The following MALRD1 variants were observed in gnomAD, a reference collection of about 807,000 sequenced individuals.
The protein encoded by MALRD1 is MAM and LDL-receptor class A domain-containing protein 1.
MALRD1 carries 247 observed loss-of-function variants against 242.1 expected under a neutral mutation model. The ratio of observed to expected loss-of-function variants is 1.02; its 90% CI spans 0.92 to 1.13. The LOEUF (loss-of-function observed/expected upper bound fraction) is 1.13. Among genes scored for constraint, MALRD1 ranks in the 50% most tolerant of loss-of-function variants. The probability of loss-of-function intolerance (pLI) is 0.00; values close to 1 mark genes in which losing one functional copy is unlikely to be tolerated. For synonymous variants in MALRD1, 995 were observed against 866.6 expected (o/e 1.15, Z -2.60); for missense variants, 2,989 against 2,533.1 (o/e 1.18, Z -3.86).
chr10:19,713,043 AAG>A (rs1491135872), intron 38 of MALRD1, among the ~76,000 whole-genome samples: 2 of 93,800 alleles, frequency 2.1e-5, no homozygotes, highest in African/African-American at 1.0e-4. Flanking sequence ...ACCAGAAATG[AAG>A]GGGGGGGTTC....
intron 36 of MALRD1, among the ~76,000 whole-genome samples, chr10:19,648,164 A>C (rs1190605611): frequency 6.6e-6 from 1 of 152,194 alleles, no homozygotes; most frequent in Non-Finnish European, 1.5e-5. Context: ...GCTGTGGGGC[A>C]AGAAATGAAA....
At chr10:19,091,843 A>G (rs1179476774) in intron 4 of MALRD1, among the ~76,000 whole-genome samples, 16 of 90,116 alleles carry the variant, frequency 1.8e-4, no homozygotes, top group Admixed American at 7.0e-4. Context: ...TCATTTCATT[A>G]TGTACCCAGT....
At chr10:19,390,209 C>T (rs1846279979) in intron 28 of MALRD1, among the ~76,000 whole-genome samples, 1 of 152,192 alleles carries the variant, frequency 6.6e-6, no homozygotes, top group South Asian at 2.1e-4. Flanking sequence ...CCTTCCCTTT[C>T]CTTTCCAATA....
At chr10:19,087,806 T>A in intron 2 of MALRD1, 34 bp from the exon 3 acceptor site, 3 of 1,015,048 alleles carry the variant, frequency 3.0e-6, no homozygotes, top group Non-Finnish European at 2.4e-6. Flanking sequence ...TTCTTTCTGG[T>A]TTTTTTTTGT....
chr10:19,138,194 T>C (rs1481297952), intron 10 of MALRD1, among the ~76,000 whole-genome samples: 1 of 152,138 alleles, frequency 6.6e-6, no homozygotes, highest in Non-Finnish European at 1.5e-5. Flanking sequence ...CTAACCAGTG[T>C]GAGCTCAACG....
intron 29 of MALRD1, among the ~76,000 whole-genome samples, chr10:19,464,289 C>A (rs571082379): frequency 2.4e-4 from 37 of 152,102 alleles, no homozygotes; most frequent in Non-Finnish European, 5.0e-4. Context: ...TTGCCTAAGC[C>A]AATGGCTAGA....
chr10:19,496,008 C>G (rs944269900), intron 30 of MALRD1, among the ~76,000 whole-genome samples: 1 of 152,190 alleles, frequency 6.6e-6, no homozygotes, highest in Admixed American at 6.5e-5. Context: ...TTCAATTCAA[C>G]AAGAAGACCT....
intron 36 of MALRD1, among the ~76,000 whole-genome samples, chr10:19,677,559 T>C (rs1157025042): frequency 6.6e-6 from 1 of 152,250 alleles, no homozygotes; most frequent in African/African-American, 2.4e-5. Flanking sequence ...TTGTACATTC[T>C]GGATGTTAGA....
At chr10:19,430,132 T>TTTTTTTTG (rs60561217) in intron 28 of MALRD1, among the ~76,000 whole-genome samples, 1 of 144,404 alleles carries the variant, frequency 6.9e-6, no homozygotes, top group African/African-American at 2.6e-5. Flanking sequence ...TTTTTTTTTT[T>TTTTTTTTG]GAGATGGAGG....
At chr10:19,589,093 G>T (rs1004929312) in intron 33 of MALRD1, among the ~76,000 whole-genome samples, 6 of 152,034 alleles carry the variant, frequency 3.9e-5, no homozygotes, top group African/African-American at 7.3e-5. Context: ...GGGATTTGGA[G>T]AAATTAAAAA....
intron 2 of MALRD1, among the ~76,000 whole-genome samples, chr10:19,072,290 A>G (rs1476642093): frequency 2.0e-5 from 3 of 152,118 alleles, no homozygotes; most frequent in African/African-American, 7.2e-5. Context: ...CATATGGTCC[A>G]TGTCCCAAAA....
chr10:19,217,932 C>A (rs1837393881), intron 18 of MALRD1, among the ~76,000 whole-genome samples: 1 of 152,108 alleles, frequency 6.6e-6, no homozygotes, highest in Non-Finnish European at 1.5e-5. Flanking sequence ...TATCCAGAAG[C>A]TGCATGCTAA....
chr10:19,520,765 G>C (rs1833843221), intron 31 of MALRD1, among the ~76,000 whole-genome samples: 1 of 151,998 alleles, frequency 6.6e-6, no homozygotes, highest in Non-Finnish European at 1.5e-5. Flanking sequence ...AACAAACCCT[G>C]ATTATCTACA....
At chr10:19,586,877 G>C (rs1374273396) in intron 33 of MALRD1, among the ~76,000 whole-genome samples, 1 of 152,226 alleles carries the variant, frequency 6.6e-6, no homozygotes. Context: ...CAATCAGCGA[G>C]ACTCCGTGGG....
intron 29 of MALRD1, chr10:19,488,741 G>A (rs1425330005): frequency 3.5e-5 from 7 of 199,532 alleles, no homozygotes; most frequent in Admixed American, 2.1e-4. Context: ...GATTTTTAAT[G>A]TCTTTATTAG....
At chr10:19,673,197 A>G (rs778734202) in intron 36 of MALRD1, among the ~76,000 whole-genome samples, 12 of 152,088 alleles carry the variant, frequency 7.9e-5, no homozygotes, top group African/African-American at 1.2e-4. Flanking sequence ...CCTGGCTAAC[A>G]TGGTGAAACC....
intron 2 of MALRD1, among the ~76,000 whole-genome samples, chr10:19,076,094 C>T (rs1312244120): frequency 1.3e-5 from 2 of 151,906 alleles, no homozygotes; most frequent in South Asian, 4.2e-4. Flanking sequence ...CCAGTTCCTC[C>T]AGTTTTTCAT....
chr10:19,393,482 G>A (rs944052807), intron 28 of MALRD1, among the ~76,000 whole-genome samples: 16 of 121,386 alleles, frequency 1.3e-4, no homozygotes, highest in African/African-American at 5.3e-4. Flanking sequence ...GTCTCGCTCT[G>A]TCACCCAGGC....
At chr10:19,434,631 C>G (rs2027287) in intron 28 of MALRD1, among the ~76,000 whole-genome samples, 87,536 of 151,536 alleles carry the variant, frequency 0.58, 25,949 homozygotes, top group Middle Eastern at 0.67. Context: ...CCACTCCTTT[C>G]CATTTTTTTA....
Sources: gnomAD v4.1 joint callset for allele counts (sites outside exome capture counted in the v4.1 genomes callset) on GRCh38, gnomAD v4.1.1 for gene constraint, MANE v1.5 for transcripts, NCBI Gene and HGNC (gene_info 2026-07-23, HGNC 2026-07-21) for gene names.